Variants in OLFM3 observed in about 807,000 individuals in gnomAD.
OLFM3 encodes the protein olfactomedin 3.
In OLFM3, 20 loss-of-function variants were observed where a neutral mutation model predicts 48.6. That is an observed-to-expected ratio of 0.41 (90% CI 0.29 to 0.60). The LOEUF is 0.60. Among genes scored for constraint, OLFM3 ranks in the 20% least tolerant of loss-of-function variants. The pLI is 0.28. For synonymous variants in OLFM3, 222 were observed against 198.1 expected, an observed-to-expected ratio of 1.12 and a Z score of -1.01; for missense variants, 437 against 544.3, an observed-to-expected ratio of 0.80 and a Z score of 1.96.
chr1:101,950,461 C>T (rs1660106645), intron 1 of OLFM3, among the ~76,000 whole-genome samples: 2 of 142,858 alleles, frequency 1.4e-5, no homozygotes, highest in South Asian at 2.2e-4. Flanking sequence ...TTTTTTGAGA[C>T]GGAGTCTCGC....
At chr1:101,930,035 G>A (rs1659399167) in intron 1 of OLFM3, among the ~76,000 whole-genome samples, 1 of 152,056 alleles carries the variant, frequency 6.6e-6, no homozygotes, top group East Asian at 1.9e-4. Flanking sequence ...AGAATGAAAA[G>A]GGACCTTGAA....
At chr1:101,830,239 T>C (rs1655082974) in intron 3 of OLFM3, among the ~76,000 whole-genome samples, 1 of 152,180 alleles carries the variant, frequency 6.6e-6, no homozygotes, top group Non-Finnish European at 1.5e-5. Context: ...TAATTGCCAA[T>C]ACAACACTTA....
intron 1 of OLFM3, chr1:101,893,560 A>G: frequency 7.4e-6 from 2 of 271,900 alleles, no homozygotes; most frequent in Non-Finnish European, 7.5e-6. Context: ...ATTGCATTAG[A>G]TCAGAAGGAC....
At chr1:101,966,317 T>TTTTTTGTGTGTGTGTG (rs371512942) in intron 1 of OLFM3, among the ~76,000 whole-genome samples, 5 of 128,062 alleles carry the variant, frequency 3.9e-5, no homozygotes, top group Admixed American at 7.9e-5. Flanking sequence ...CCTGGCTAAT[T>TTTTTTGTGTGTGTGTG]TGTGTGTGTG....
intron 1 of OLFM3, chr1:101,846,740 G>A (rs1656012628): frequency 1.3e-6 from 1 of 747,870 alleles, no homozygotes. Context: ...TTTTGAAGCT[G>A]ACCTGTAAAG....
intron 1 of OLFM3, among the ~76,000 whole-genome samples, chr1:101,842,660 A>G (rs1655784850): frequency 1.3e-5 from 2 of 152,134 alleles, no homozygotes; most frequent in South Asian, 4.1e-4. Flanking sequence ...ATGTCTTTCC[A>G]CACAATGGAA....
chr1:101,816,122 A>G (rs1394774637), intron 4 of OLFM3, among the ~76,000 whole-genome samples: 1 of 152,206 alleles, frequency 6.6e-6, no homozygotes, highest in Non-Finnish European at 1.5e-5. Context: ...AGAAATAACC[A>G]TAAAATTTGG....
At chr1:101,831,049 C>A (rs1363845858) in intron 2 of OLFM3, among the ~76,000 whole-genome samples, 1 of 152,168 alleles carries the variant, frequency 6.6e-6, no homozygotes, top group African/African-American at 2.4e-5. Context: ...AACGGGCATT[C>A]TAGCATTAGA....
intron 1 of OLFM3, among the ~76,000 whole-genome samples, chr1:101,871,862 C>T (rs539226908): frequency 6.6e-6 from 1 of 152,042 alleles, no homozygotes; most frequent in South Asian, 2.1e-4. Flanking sequence ...ATTTTAGCTA[C>T]TTATGTGATA....
At chr1:101,831,587 G>T (rs908678082) in intron 2 of OLFM3, among the ~76,000 whole-genome samples, 1 of 152,176 alleles carries the variant, frequency 6.6e-6, no homozygotes, top group Non-Finnish European at 1.5e-5. Context: ...AAAACAAAGA[G>T]AAAGCATCTA....
chr1:101,848,175 T>G (rs957235313), intron 1 of OLFM3, among the ~76,000 whole-genome samples: 1 of 152,144 alleles, frequency 6.6e-6, no homozygotes, highest in Non-Finnish European at 1.5e-5. Flanking sequence ...CCAATATATG[T>G]GTTTTAAAGT....
At chr1:101,816,376 T>C (rs1421741927) in intron 4 of OLFM3, among the ~76,000 whole-genome samples, 1 of 152,190 alleles carries the variant, frequency 6.6e-6, no homozygotes, top group Non-Finnish European at 1.5e-5. Context: ...TACGCTGATG[T>C]TGTGAAAGAC....
At chr1:101,929,868 A>T (rs1659394024) in intron 1 of OLFM3, among the ~76,000 whole-genome samples, 1 of 152,122 alleles carries the variant, frequency 6.6e-6, no homozygotes, top group Non-Finnish European at 1.5e-5. Context: ...ATTTTAAAGT[A>T]CATGTAGAAA....
At chr1:101,816,806 G>C (rs1033958601) in intron 4 of OLFM3, among the ~76,000 whole-genome samples, 1 of 152,112 alleles carries the variant, frequency 6.6e-6, no homozygotes, top group African/African-American at 2.4e-5. Flanking sequence ...AACACCATCA[G>C]CGTTATGTTT....
intron 1 of OLFM3, among the ~76,000 whole-genome samples, chr1:101,896,924 G>A (rs1045152410): frequency 3.3e-5 from 5 of 152,008 alleles, no homozygotes; most frequent in Non-Finnish European, 1.5e-5. Context: ...AAATTCTTAG[G>A]AGAAAAGATG....
At chr1:101,838,899 C>T (rs946328433) in intron 1 of OLFM3, among the ~76,000 whole-genome samples, 2 of 152,180 alleles carry the variant, frequency 1.3e-5, no homozygotes, top group Non-Finnish European at 2.9e-5. Context: ...CACAATCTCC[C>T]GTATACTTTG....
chr1:101,974,860 G>A (rs941924278), intron 1 of OLFM3, among the ~76,000 whole-genome samples: 2 of 152,166 alleles, frequency 1.3e-5, no homozygotes, highest in Non-Finnish European at 2.9e-5. Context: ...ATGTTCTCTA[G>A]AAAAAGGTGC....
At chr1:101,843,673 T>A (rs532472235) in intron 1 of OLFM3, among the ~76,000 whole-genome samples, 6 of 152,318 alleles carry the variant, frequency 3.9e-5, no homozygotes, top group Admixed American at 3.9e-4. Context: ...AAAACCCCTT[T>A]CAGCTTTTGA....
intron 4 of OLFM3, among the ~76,000 whole-genome samples, chr1:101,819,703 C>T (rs11164305): frequency 0.012 from 1,780 of 151,880 alleles, 45 homozygotes; most frequent in African/African-American, 0.041. Context: ...ATTGAGGTAT[C>T]TGGGGGGGTC....
Sources: allele counts gnomAD v4.1 joint callset (sites outside exome capture counted in the v4.1 genomes callset), GRCh38; gene constraint gnomAD v4.1.1; transcripts MANE v1.5; gene names NCBI Gene and HGNC (gene_info 2026-07-23, HGNC 2026-07-21).